Variants in ZYG11A observed in about 807,000 individuals in gnomAD.
The protein encoded by ZYG11A is protein zyg-11 homolog A.
A neutral mutation model predicts 77.2 loss-of-function variants in ZYG11A; 62 were observed. The observed-to-expected ratio is 0.80, with a 90% CI of 0.65 to 0.99. The LOEUF is 0.99. Among genes scored for constraint, ZYG11A ranks in the 50% least tolerant of loss-of-function variants. The pLI is 0.00. For missense variants in ZYG11A, 828 were observed against 896.8 expected, an observed-to-expected ratio of 0.92 and a Z score of 0.98; for synonymous variants, 315 against 324.6, an observed-to-expected ratio of 0.97 and a Z score of 0.32.
Position 52,857,193 on chromosome 1 carries a change from A to G in ZYG11A, c.452A>G (p.Asn151Ser), listed in dbSNP as rs79220083. 1,329 of 1,552,164 alleles carry G rather than the reference A, an allele frequency of 8.6e-4. 13 individuals are homozygous for G. The African/African-American group carries it at 0.017, about 19-fold the overall frequency. Residue 151 changes from asparagine (N) to serine (S), a missense_variant, in exon 3 of 14, where the codon AAT becomes AGT. Transcript: ENST00000371528. ...GACATCATAAGTGGACTCTGCAGCA[A>G]TAGGTGGATCCAGCAAAACCTCCAG... ...VPDIISGLCS[N>S]RWIQQNLQCL...
chr1:52,872,766 C>T (rs1290559084), intron 8 of ZYG11A, among the ~76,000 whole-genome samples: 1 of 148,984 alleles, frequency 6.7e-6, no homozygotes, highest in East Asian at 2.0e-4. Flanking sequence ...GCCTGTAATC[C>T]TAGACACTTA....
At chr1:52,852,380 T>C (rs1159166318) in intron 1 of ZYG11A, among the ~76,000 whole-genome samples, 1 of 151,428 alleles carries the variant, frequency 6.6e-6, no homozygotes, top group Non-Finnish European at 1.5e-5. Flanking sequence ...TTTTTTTTTT[T>C]TTTTTTTGAG....
rs1209288243 is a variant in ZYG11A, at chr1:52,864,081, G to A, written c.1250G>A (p.Gly417Glu). 1 of 1,551,786 alleles carries A rather than the reference G, an allele frequency of 6.4e-7. No individual in the cohort carries two copies. Among genetic ancestry groups the A allele is most frequent in the Non-Finnish European group, 8.7e-7 (1 of 1,147,050 alleles). The change falls in exon 5 of 14, where the codon GGG becomes GAG. Residue 417 changes from glycine to glutamate, a missense_variant. Physicochemically the swap from Gly to Glu is moderately conservative, Grantham distance 98. Transcript: ENST00000371528. The part of the protein sequence containing the change: ...LNLTRQGLAK[G>E]MPVRLLSEVT... ...CTAACACGCCAGGGCCTGGCCAAGG[G>A]GATGCCTGTTCGCCTGTTGTCAGAG...
intron 1 of ZYG11A, 62 bp downstream of exon 1, chr1:52,843,035 C>T: frequency 1.4e-6 from 2 of 1,416,618 alleles, no homozygotes; most frequent in South Asian, 2.7e-5. Flanking sequence ...CCGGCGAGCG[C>T]GGCGAGTCTC....
intron 8 of ZYG11A, among the ~76,000 whole-genome samples, chr1:52,871,439 C>G (rs1272918955): frequency 6.6e-6 from 1 of 151,390 alleles, no homozygotes; most frequent in African/African-American, 2.4e-5. Context: ...GTGTATATAT[C>G]TATTTTTGGA....
At chr1:52,853,245 AT>A (rs141767956) in intron 1 of ZYG11A, among the ~76,000 whole-genome samples, 3,556 of 152,292 alleles carry the variant, frequency 0.023, 91 homozygotes, top group Middle Eastern at 0.13. Flanking sequence ...AAAACTCAAA[AT>A]TTGAAGTATG....
intron 3 of ZYG11A, among the ~76,000 whole-genome samples, chr1:52,858,395 T>G (rs1267892602): frequency 6.7e-6 from 1 of 149,640 alleles, no homozygotes; most frequent in Non-Finnish European, 1.5e-5. Context: ...AAAGAAGATA[T>G]AGTGGGTTCA....
intron 8 of ZYG11A, among the ~76,000 whole-genome samples, chr1:52,869,576 A>T (rs1472083293): frequency 4.0e-5 from 6 of 151,896 alleles, no homozygotes; most frequent in Non-Finnish European, 7.4e-5. Context: ...GTCATAGATC[A>T]ACAGGATCCC....
intron 13 of ZYG11A, among the ~76,000 whole-genome samples, chr1:52,888,009 T>C (rs964550449): frequency 6.6e-6 from 1 of 152,304 alleles, no homozygotes; most frequent in Non-Finnish European, 1.5e-5. Flanking sequence ...TGACTAGCTG[T>C]AAAGCAAGTG....
At chr1:52,858,325 G>A (rs901232774) in intron 3 of ZYG11A, among the ~76,000 whole-genome samples, 11 of 150,652 alleles carry the variant, frequency 7.3e-5, no homozygotes, top group Admixed American at 2.0e-4. Context: ...GAACCTGGGA[G>A]GTGGAGGTTG....
intron 1 of ZYG11A, among the ~76,000 whole-genome samples, chr1:52,847,572 A>G (rs1163432702): frequency 6.6e-6 from 1 of 151,372 alleles, no homozygotes; most frequent in African/African-American, 2.4e-5. Context: ...GCTGGCGACA[A>G]GTTGTCTCTG....
chr1:52,850,425 T>G (rs1242223), intron 1 of ZYG11A, among the ~76,000 whole-genome samples: 71,460 of 151,522 alleles, frequency 0.47, 18,260 homozygotes, highest in Non-Finnish European at 0.59. Context: ...TTCAAGCTAT[T>G]GTCCTGCCTC....
rs1397747395 is a variant in ZYG11A at position 52,866,559 on chromosome 1, A to G, written c.1383A>G (p.Pro461=). The part of the protein sequence containing the change: ...LTNSRILVDV[P]FDRFDAAKFV... ...ATTCCAGGATTCTTGTGGATGTTCC[A>G]TTTGACAGGCAAGTATAAGACTTGG... Residue 461 remains proline, a synonymous_variant, in exon 6 of 14, where the codon CCA becomes CCG. Transcript: ENST00000371528. 2 of 1,540,652 alleles carry G rather than the reference A, an allele frequency of 1.3e-6. No individual in the cohort carries two copies. Among genetic ancestry groups the G allele is most frequent in the African/African-American group, 2.7e-5 (2 of 72,816 alleles).
rs764767497 is a variant in ZYG11A, at chr1:52,854,524, G to A, written c.150G>A (p.Leu50=). The A allele has an allele frequency of 1.3e-6, 2 of 1,551,732 alleles. No individual in the cohort carries two copies. Among genetic ancestry groups the A allele is most frequent in the Non-Finnish European group, 1.7e-6 (2 of 1,146,772 alleles). Residue 50 remains leucine, a synonymous_variant, in exon 2 of 14, where the codon CTG becomes CTA. Coordinates refer to ENST00000371528, the MANE Select transcript of ZYG11A (RefSeq NM_001004339.3). The part of the protein sequence containing the change: ...NICLNVLIAN[L]EKLCSERPDG... Reference sequence around the variant, plus strand: ...GCCTGAATGTCCTGATTGCTAACCTGGAGAAATTGTGTTCTGAAAGACCTG... The same window carrying A: ...GCCTGAATGTCCTGATTGCTAACCTAGAGAAATTGTGTTCTGAAAGACCTG...
intron 8 of ZYG11A, among the ~76,000 whole-genome samples, chr1:52,873,555 CAT>C (rs1646207309): frequency 6.6e-6 from 1 of 152,152 alleles, no homozygotes; most frequent in Non-Finnish European, 1.5e-5. Flanking sequence ...AGAGCAAAGA[CAT>C]ATTTTGAGAT....
At chr1:52,846,308 T>TTATTTA (rs10670232) in intron 1 of ZYG11A, among the ~76,000 whole-genome samples, 5 of 124,896 alleles carry the variant, frequency 4.0e-5, no homozygotes, top group African/African-American at 1.4e-4. Flanking sequence ...CTTTTTAAAT[T>TTATTTA]TTTATATATA....
chr1:52,892,643 T>G, intron 13 of ZYG11A, 139 bp from the exon 14 acceptor site: 1 of 710,212 alleles, frequency 1.4e-6, no homozygotes, highest in Admixed American at 2.9e-5. Context: ...TGCTTTAGAA[T>G]TGACTCATTT....
At chr1:52,864,620 T>C (rs1461275568) in intron 5 of ZYG11A, among the ~76,000 whole-genome samples, 2 of 152,020 alleles carry the variant, frequency 1.3e-5, no homozygotes, top group African/African-American at 4.8e-5. Context: ...ATAGAAAAAA[T>C]AGGAAATATA....
intron 8 of ZYG11A, among the ~76,000 whole-genome samples, chr1:52,871,098 G>A (rs1646154747): frequency 6.6e-6 from 1 of 152,118 alleles, no homozygotes; most frequent in African/African-American, 2.4e-5. Flanking sequence ...CACCTGCAAA[G>A]TATTTCCCTC....
Sources: gnomAD v4.1 joint callset for allele counts (sites outside exome capture counted in the v4.1 genomes callset) on GRCh38, gnomAD v4.1.1 for gene constraint, MANE v1.5 for transcripts, NCBI Gene and HGNC (gene_info 2026-07-23, HGNC 2026-07-21) for gene names.